The following OR1J2 variants were observed in gnomAD, a reference collection of about 807,000 sequenced individuals.
OR1J2 encodes olfactory receptor family 1 subfamily J member 2.
For missense variants in OR1J2, 304 were observed against 246.1 expected (o/e 1.24, Z -1.57); for synonymous variants, 142 against 99.7 (o/e 1.42, Z -2.52).
At chr9:122,576,308 G>A in the OR1J2 span, among the ~76,000 whole-genome samples, 73 of 151,900 alleles carry the variant, frequency 4.8e-4, no homozygotes, top group African/African-American at 1.3e-3. Context: ...TGCAACCTCC[G>A]CCTCCTGGGT....
the OR1J2 span, chr9:122,471,521 A>G: frequency 6.6e-6 from 1 of 152,194 alleles, no homozygotes; most frequent in Non-Finnish European, 1.5e-5. Flanking sequence ...TAATTTTGGT[A>G]TGGTTTGGAA....
chr9:122,574,297 G>C, the OR1J2 span, among the ~76,000 whole-genome samples: 1 of 152,148 alleles, frequency 6.6e-6, no homozygotes, highest in Non-Finnish European at 1.5e-5. Flanking sequence ...GAATTCAGGA[G>C]AATTGACCTT....
chr9:122,573,451 C>G, the OR1J2 span, among the ~76,000 whole-genome samples: 1 of 152,162 alleles, frequency 6.6e-6, no homozygotes, highest in Non-Finnish European at 1.5e-5. Context: ...AATGGGTATA[C>G]AGTGGTATGT....
chr9:122,465,120 G>A, the OR1J2 span, among the ~76,000 whole-genome samples: 13 of 152,044 alleles, frequency 8.6e-5, no homozygotes, highest in African/African-American at 2.4e-4. Flanking sequence ...GTCAGTATCC[G>A]AAGAAAAAAA....
the OR1J2 span, among the ~76,000 whole-genome samples, chr9:122,570,373 T>C: frequency 1.3e-5 from 2 of 152,360 alleles, no homozygotes; most frequent in East Asian, 3.9e-4. Context: ...GTATATTCTT[T>C]TACACATTGT....
the OR1J2 span, among the ~76,000 whole-genome samples, chr9:122,529,467 G>A: frequency 6.6e-6 from 1 of 152,112 alleles, no homozygotes; most frequent in Non-Finnish European, 1.5e-5. Context: ...TTCTATGGAG[G>A]TTCTTTGATC....
At chr9:122,498,564 A>T in the OR1J2 span, among the ~76,000 whole-genome samples, 1 of 152,164 alleles carries the variant, frequency 6.6e-6, no homozygotes, top group Non-Finnish European at 1.5e-5. Context: ...GTTGATTTTC[A>T]ACCTTGCCTT....
chr9:122,489,084 A>G, the OR1J2 span, among the ~76,000 whole-genome samples: 1 of 151,056 alleles, frequency 6.6e-6, no homozygotes, highest in Non-Finnish European at 1.5e-5. Flanking sequence ...TCTGTCCCCA[A>G]AGAGTTCCCA....
chr9:122,451,293 C>T, the OR1J2 span, among the ~76,000 whole-genome samples: 1 of 151,926 alleles, frequency 6.6e-6, no homozygotes, highest in African/African-American at 2.4e-5. Flanking sequence ...TCAAGTGATT[C>T]TCCTGCCTCG....
At chr9:122,476,918 G>C in the OR1J2 span, 2 of 866,674 alleles carry the variant, frequency 2.3e-6, no homozygotes, top group Non-Finnish European at 3.8e-6. Context: ...ATGTTGGCCA[G>C]GCTGGTCTCG....
At chr9:122,510,219 G>C (rs1332754030), upstream of OR1J2, among the ~76,000 whole-genome samples, 1 of 152,122 alleles carries the variant, frequency 6.6e-6, no homozygotes, top group East Asian at 1.9e-4. Context: ...ACCATGGCTG[G>C]TGAAGTCAGA....
At chr9:122,517,257 C>A in the OR1J2 span, among the ~76,000 whole-genome samples, 2 of 152,166 alleles carry the variant, frequency 1.3e-5, no homozygotes, top group Non-Finnish European at 2.9e-5. Flanking sequence ...CCCTCAGACA[C>A]TAGGCTCTAT....
At chr9:122,504,932 AT>A in the OR1J2 span, among the ~76,000 whole-genome samples, 1 of 152,070 alleles carries the variant, frequency 6.6e-6, no homozygotes, top group Admixed American at 6.6e-5. Context: ...TCCAGTTCCT[AT>A]AGCTAAACTA....
the OR1J2 span, among the ~76,000 whole-genome samples, chr9:122,575,780 A>G: frequency 6.6e-6 from 1 of 152,202 alleles, no homozygotes; most frequent in Non-Finnish European, 1.5e-5. Flanking sequence ...ATCTTATTTA[A>G]CAAAAATCCC....
At chr9:122,518,784 G>A in the OR1J2 span, among the ~76,000 whole-genome samples, 1 of 152,188 alleles carries the variant, frequency 6.6e-6, no homozygotes, top group African/African-American at 2.4e-5. Flanking sequence ...GTTACAACAT[G>A]AAGGCTCATG....
chr9:122,497,542 T>C, the OR1J2 span, among the ~76,000 whole-genome samples: 2 of 152,196 alleles, frequency 1.3e-5, no homozygotes, highest in African/African-American at 2.4e-5. Flanking sequence ...TTATTGTGCT[T>C]ATTTGGATCT....
the OR1J2 span, among the ~76,000 whole-genome samples, chr9:122,551,275 C>T: frequency 1.3e-5 from 2 of 152,128 alleles, no homozygotes; most frequent in Non-Finnish European, 2.9e-5. Flanking sequence ...CATTACAGAC[C>T]TAGGTGGGGA....
the OR1J2 span, among the ~76,000 whole-genome samples, chr9:122,467,313 A>G: frequency 6.6e-6 from 1 of 152,108 alleles, no homozygotes; most frequent in African/African-American, 2.4e-5. Flanking sequence ...CAAGACACCC[A>G]CACCTTTTGC....
the OR1J2 span, among the ~76,000 whole-genome samples, chr9:122,484,690 G>T: frequency 6.6e-6 from 1 of 151,952 alleles, no homozygotes; most frequent in African/African-American, 2.4e-5. Context: ...TTCCTACTTA[G>T]TCATGAGCTA....
Sources: gnomAD v4.1 joint callset for allele counts (sites outside exome capture counted in the v4.1 genomes callset) on GRCh38, gnomAD v4.1.1 for gene constraint, MANE v1.5 for transcripts, NCBI Gene and HGNC (gene_info 2026-07-23, HGNC 2026-07-21) for gene names.